The following FAM120B variants were observed in gnomAD, a reference collection of about 807,000 sequenced individuals.
The protein encoded by FAM120B is family with sequence similarity 120 member B, also known as constitutive coactivator of peroxisome proliferator-activated receptor gamma.
FAM120B carries 83 observed loss-of-function variants against 96.3 expected under a neutral mutation model. The observed-to-expected ratio is 0.86, with a 90% CI of 0.72 to 1.03. The LOEUF is 1.03. Among genes scored for constraint, FAM120B ranks in the 50% least tolerant of loss-of-function variants. FAM120B has a pLI of 0.00. For synonymous variants in FAM120B, 407 were observed against 402.7 expected, an observed-to-expected ratio of 1.01 and a Z score of -0.13; for missense variants, 1,027 against 1,121.2, an observed-to-expected ratio of 0.92 and a Z score of 1.20.
At chr6:170,313,368 A>G (rs1583181426) in intron 1 of FAM120B, among the ~76,000 whole-genome samples, 1 of 152,326 alleles carries the variant, frequency 6.6e-6, no homozygotes, top group East Asian at 1.9e-4. Context: ...CCATGGGGGA[A>G]CATCACTGGG....
intron 4 of FAM120B, among the ~76,000 whole-genome samples, chr6:170,347,781 G>A (rs1291384572): frequency 1.3e-5 from 2 of 152,112 alleles, no homozygotes; most frequent in Non-Finnish European, 2.9e-5. Flanking sequence ...CAAACTAAGG[G>A]GTAGATGGAT....
chr6:170,335,637 T>C (rs971510125), intron 4 of FAM120B, among the ~76,000 whole-genome samples: 2 of 152,206 alleles, frequency 1.3e-5, no homozygotes, highest in Non-Finnish European at 2.9e-5. Flanking sequence ...TACACTGTCT[T>C]CCACAATGGT....
rs376221029 is a variant in FAM120B at position 170,319,047 on chromosome 6, A to C, written c.1657A>C (p.Lys553Gln). Residue 553 changes from lysine (K) to glutamine (Q), a missense_variant, in exon 2 of 11, where the codon AAA (lysine) becomes CAA (glutamine). Lys to Gln is a moderately conservative substitution (Grantham distance 53). Coordinates refer to ENST00000476287, the MANE Select transcript of FAM120B (RefSeq NM_032448.3). ...EALMCTNPEI[K>Q]QEDPTNVGPE... is the part of the protein sequence containing the mutation. Reference sequence around the variant, plus strand: ...TCTCATGTGTACAAACCCTGAAATTAAACAAGAAGACCCCACAAATGTGGG... The same window carrying C: ...TCTCATGTGTACAAACCCTGAAATTCAACAAGAAGACCCCACAAATGTGGG... The C allele has an allele frequency of 1.2e-6, 2 of 1,607,016 alleles. No homozygotes were observed. The highest frequency in any genetic ancestry group is 2.2e-5 in the East Asian group (1 of 44,792).
At chr6:170,393,942 A>G (rs1039144779) in intron 8 of FAM120B, among the ~76,000 whole-genome samples, 1 of 152,188 alleles carries the variant, frequency 6.6e-6, no homozygotes, top group African/African-American at 2.4e-5. Flanking sequence ...TCTGGACCCA[A>G]GCTGACAGCT....
chr6:170,391,277 G>T, intron 8 of FAM120B, 156 bp downstream of exon 8: 3 of 609,306 alleles, frequency 4.9e-6, no homozygotes, highest in Non-Finnish European at 8.9e-6. Flanking sequence ...GCTCACGCCT[G>T]TAATCTCAGC....
intron 6 of FAM120B, among the ~76,000 whole-genome samples, chr6:170,387,617 A>G (rs758783681): frequency 1.8e-4 from 28 of 152,212 alleles, no homozygotes; most frequent in Non-Finnish European, 3.8e-4. Context: ...ACATCAAGGT[A>G]AATTTGACAG....
intron 3 of FAM120B, among the ~76,000 whole-genome samples, chr6:170,328,228 A>C (rs972686803): frequency 6.6e-6 from 1 of 152,160 alleles, no homozygotes; most frequent in Admixed American, 6.5e-5. Flanking sequence ...AAAATTTTTA[A>C]CTCTACTTCC....
chr6:170,376,280 G>A (rs1453720611), intron 6 of FAM120B, among the ~76,000 whole-genome samples: 1 of 152,156 alleles, frequency 6.6e-6, no homozygotes, highest in Non-Finnish European at 1.5e-5. Context: ...AGATCTGGAA[G>A]TGTGAAGCTT....
At position 170,352,926 on chromosome 6, in the gene FAM120B, T is replaced by A. The variant is rs553440094; in HGVS notation, c.2190+4603T>A. 1.6e-3 allele frequency among the ~76,000 whole-genome samples: 239 copies of A among 149,408 alleles called. 1 individual carries two copies. The highest frequency in any genetic ancestry group is 5.6e-3 in the African/African-American group (230 of 40,828). On this transcript the variant is annotated intron_variant, in intron 5 of 10. Transcript: ENST00000476287. Reference sequence around the variant, plus strand: ...GGAGATAGAGACACAAAAAACCTTTTAAAAAAAAATCAATGAATCCAGGAG... The same window carrying A: ...GGAGATAGAGACACAAAAAACCTTTAAAAAAAAAATCAATGAATCCAGGAG...
intron 4 of FAM120B, among the ~76,000 whole-genome samples, chr6:170,344,150 G>GC (rs1218760382): frequency 7.5e-6 from 1 of 132,632 alleles, no homozygotes; most frequent in Non-Finnish European, 1.6e-5. Flanking sequence ...TTCCTGAGCA[G>GC]CCCCACCTTG....
At chr6:170,404,477 A>G in intron 9 of FAM120B, 73 bp from the exon 10 acceptor site, 2 of 1,322,872 alleles carry the variant, frequency 1.5e-6, no homozygotes, top group East Asian at 2.3e-5. Flanking sequence ...ATACTTAGAA[A>G]TGTGCAGCAT....
chr6:170,330,430 C>A lies in FAM120B; in HGVS notation c.1916-19C>A. 6.2e-7 allele frequency: 1 copy of A among 1,604,110 alleles called. No individual in the cohort carries two copies. The highest frequency in any genetic ancestry group is 8.5e-7 in the Non-Finnish European group (1 of 1,171,144). On this transcript the variant is annotated intron_variant, in intron 3 of 10. Transcript: ENST00000476287. ...ATGCATGCCCTCATGCATCTACTGA[C>A]CCAACTCTTTTTCTTCAGATGTCAC...
At chr6:170,356,158 G>A (rs967051880) in intron 5 of FAM120B, among the ~76,000 whole-genome samples, 1 of 152,176 alleles carries the variant, frequency 6.6e-6, no homozygotes, top group Non-Finnish European at 1.5e-5. Context: ...ATATAAGCCT[G>A]AAGCAAGACA....
At chr6:170,397,755 C>T (rs774870536) in intron 9 of FAM120B, among the ~76,000 whole-genome samples, 2 of 152,182 alleles carry the variant, frequency 1.3e-5, no homozygotes, top group Non-Finnish European at 2.9e-5. Context: ...CCTGGAGATC[C>T]GTGACCAGCC....
At chr6:170,327,003 CA>C (rs1409162720) in intron 3 of FAM120B, among the ~76,000 whole-genome samples, 2 of 151,908 alleles carry the variant, frequency 1.3e-5, no homozygotes, top group Non-Finnish European at 2.9e-5. Flanking sequence ...GTCAGCCTCC[CA>C]AAGTGTTGGG....
At chr6:170,361,385 C>T (rs923543149) in intron 6 of FAM120B, among the ~76,000 whole-genome samples, 3 of 150,928 alleles carry the variant, frequency 2.0e-5, no homozygotes, top group African/African-American at 7.3e-5. Flanking sequence ...ATACAAGAAC[C>T]CTTAACCTGC....
chr6:170,354,550 T>G (rs1787774903), intron 5 of FAM120B, among the ~76,000 whole-genome samples: 1 of 152,014 alleles, frequency 6.6e-6, no homozygotes, highest in South Asian at 2.1e-4. Context: ...TACAAAGAAC[T>G]TAAACAGATT....
chr6:170,340,136 T>C (rs1786722812), intron 4 of FAM120B, among the ~76,000 whole-genome samples: 1 of 152,200 alleles, frequency 6.6e-6, no homozygotes, highest in African/African-American at 2.4e-5. Context: ...CAGTCCATCG[T>C]AGGTTTGGTC....
chr6:170,393,660 G>A (rs192832389), intron 8 of FAM120B, among the ~76,000 whole-genome samples: 2 of 152,124 alleles, frequency 1.3e-5, no homozygotes, highest in Admixed American at 6.5e-5. Context: ...CCAACTTAAG[G>A]TTCTATGGTT....
Sources: gnomAD v4.1 joint callset for allele counts (sites outside exome capture counted in the v4.1 genomes callset) on GRCh38, gnomAD v4.1.1 for gene constraint, MANE v1.5 for transcripts, NCBI Gene and HGNC (gene_info 2026-07-23, HGNC 2026-07-21) for gene names.